Variants in ACAA2 observed in about 807,000 individuals in gnomAD.
ACAA2 encodes 3-ketoacyl-CoA thiolase, mitochondrial.
ACAA2 carries 35 observed loss-of-function variants against 44.8 expected under a neutral mutation model. The observed-to-expected ratio is 0.78, with a 90% CI of 0.60 to 1.04. The LOEUF is 1.04. Ranked by LOEUF, ACAA2 falls within the 50% of genes least tolerant of loss-of-function variation. The probability of loss-of-function intolerance (pLI) is 0.00; values close to 1 mark genes in which losing one functional copy is unlikely to be tolerated. For synonymous variants in ACAA2, 142 were observed against 166.5 expected (o/e 0.85, Z 1.13); for missense variants, 468 against 482.6 (o/e 0.97, Z 0.28).
intron 1 of ACAA2, among the ~76,000 whole-genome samples, chr18:49,805,991 G>C (rs978591346): frequency 1.3e-5 from 2 of 151,878 alleles, no homozygotes; most frequent in Non-Finnish European, 2.9e-5. Flanking sequence ...GCTCCTATCT[G>C]ACCAACCCTC....
intron 9 of ACAA2, among the ~76,000 whole-genome samples, chr18:49,784,386 T>C (rs922106804): frequency 1.3e-5 from 2 of 152,220 alleles, no homozygotes; most frequent in Non-Finnish European, 2.9e-5. Context: ...ATGTAATTAA[T>C]AAAGTTTGTC....
intron 4 of ACAA2, 113 bp downstream of exon 4, chr18:49,795,650 TCA>T (rs2023456439): frequency 1.0e-5 from 6 of 577,140 alleles, no homozygotes; most frequent in Non-Finnish European, 1.8e-5. Context: ...TTGCCAATCC[TCA>T]TCAACGAAAT....
intron 5 of ACAA2, among the ~76,000 whole-genome samples, 177 bp from the exon 6 acceptor site, chr18:49,792,504 G>A (rs534393529): frequency 6.9e-4 from 105 of 152,284 alleles, no homozygotes; most frequent in African/African-American, 2.4e-3. Flanking sequence ...GAGTGCAACG[G>A]CACAGTCTCG....
intron 7 of ACAA2, among the ~76,000 whole-genome samples, chr18:49,788,394 A>C (rs11082781): frequency 1.3e-5 from 2 of 152,300 alleles, no homozygotes; most frequent in South Asian, 4.1e-4. Flanking sequence ...AAACCTAAAT[A>C]TAATATTTAT....
Position 49,792,227 on chromosome 18 carries a change from T to C in ACAA2, c.678A>G (p.Gln226=). 1 of 1,614,116 alleles carries C rather than the reference T, an allele frequency of 6.2e-7. No homozygotes were observed. The highest frequency in any genetic ancestry group is 8.5e-7 in the Non-Finnish European group (1 of 1,180,002). Residue 226 remains glutamine, a synonymous_variant, in exon 6 of 10, where the codon CAA becomes CAG. Coordinates refer to ENST00000285093, the MANE Select transcript of ACAA2 (RefSeq NM_006111.3). ...GTTTCTGTAACTGTTCCAGGGTGGT[T>C]TGGGGCCGAGCATGCTCGTCTACCT... ...TMQVDEHARP[Q]TTLEQLQKLP...
In ACAA2 at chr18:49,795,850, A is replaced by C; in HGVS notation, c.344T>G (p.Leu115Ter). Residue 115 changes from leucine (L) to a stop codon, truncating the protein, a stop_gained, in exon 4 of 10, where the codon TTA (leucine) becomes TGA (stop). Coordinates refer to ENST00000285093, the MANE Select transcript of ACAA2 (RefSeq NM_006111.3). LOFTEE classifies it high-confidence loss of function. Reference protein sequence around the residue: ...EICVKEAEVVLCGGTESMSQA... With the variant: ...EICVKEAEVV Reference sequence around the variant, plus strand: ...GCTCATGCTTTCGGTTCCTCCACATAAAACAACTTCAGCTTCTTTAACACA... The same window carrying C: ...GCTCATGCTTTCGGTTCCTCCACATCAAACAACTTCAGCTTCTTTAACACA... 3.7e-6 allele frequency: 6 copies of C among 1,612,304 alleles called. No individual in the cohort carries two copies. Among genetic ancestry groups the C allele is most frequent in the Non-Finnish European group, 4.2e-6 (5 of 1,179,078 alleles).
At chr18:49,791,713 C>A in intron 6 of ACAA2, 114 bp from the exon 7 acceptor site, 1 of 1,039,828 alleles carries the variant, frequency 9.6e-7, no homozygotes, top group Non-Finnish European at 1.4e-6. Context: ...AGCCAGTGCA[C>A]AGTGTGAGAT....
intron 2 of ACAA2, among the ~76,000 whole-genome samples, chr18:49,798,019 G>A (rs1383678099): frequency 6.6e-6 from 1 of 152,136 alleles, no homozygotes; most frequent in African/African-American, 2.4e-5. Flanking sequence ...TTTAAAAATG[G>A]AATACGCTAT....
intron 5 of ACAA2, among the ~76,000 whole-genome samples, chr18:49,793,505 T>C (rs1568586706): frequency 6.6e-6 from 1 of 152,224 alleles, no homozygotes; most frequent in Non-Finnish European, 1.5e-5. Context: ...AGACCAATCC[T>C]CTTCCACTAT....
chr18:49,792,016 T>C, intron 6 of ACAA2, 136 bp downstream of exon 6: 2 of 564,448 alleles, frequency 3.5e-6, no homozygotes, highest in Non-Finnish European at 5.8e-6. Flanking sequence ...AAAACCTAAA[T>C]TAATTGAATA....
At chr18:49,811,392 T>C (rs2023668314) in intron 1 of ACAA2, 1 of 152,124 alleles carries the variant, frequency 6.6e-6, no homozygotes, top group Admixed American at 6.5e-5. Context: ...CCCTGTCTAC[T>C]TGCCTTGAAA....
intron 7 of ACAA2, among the ~76,000 whole-genome samples, chr18:49,787,941 AAT>A (rs1200695222): frequency 6.6e-6 from 1 of 152,216 alleles, no homozygotes; most frequent in African/African-American, 2.4e-5. Flanking sequence ...AAAGACAAGA[AAT>A]AGCAGTATCT....
rs1568583346 is a variant in ACAA2, at chr18:49,783,782, C to T, written c.*65G>A. 2 of 1,378,788 alleles carry T rather than the reference C, an allele frequency of 1.5e-6. No homozygotes were observed. The highest frequency in any genetic ancestry group is 2.1e-6 in the Non-Finnish European group (2 of 974,318). The allele number at this position is 1,378,788 out of a possible 1,614,324, so 85.4% of individuals were successfully genotyped here. A position where few individuals can be genotyped will look rare whatever the true frequency, so the allele number is the denominator to read the frequency against. On this transcript the variant is annotated 3_prime_UTR_variant, in exon 10 of 10. Coordinates refer to ENST00000285093, the MANE Select transcript of ACAA2 (RefSeq NM_006111.3). ...CAGTTGTGGCAGCTGCTCTGAAGGT[C>T]ACTTGTTTTACTGTGGCCTGGCCAA...
At chr18:49,807,501 T>C (rs1251904351) in intron 1 of ACAA2, among the ~76,000 whole-genome samples, 2 of 152,172 alleles carry the variant, frequency 1.3e-5, no homozygotes, top group East Asian at 3.8e-4. Context: ...AAAAGCAGGA[T>C]CCATGAAGGG....
chr18:49,792,263 T>C lies in ACAA2; in HGVS notation c.642A>G (p.Lys214=), dbSNP rs146126484. The C allele has an allele frequency of 2.5e-6, 4 of 1,613,848 alleles. No individual in the cohort carries two copies. In the African/African-American group the frequency reaches 5.3e-5, roughly 22 times the overall value. The part of the protein sequence containing the change: ...APIEVKTKKG[K]QTMQVDEHAR... ...CATGCTCGTCTACCTGCATTGTCTG[T>C]TTTCCTTTCTTTGTCTTCACTTCAA... Residue 214 remains lysine (K), a synonymous_variant, in exon 6 of 10, where the codon AAA becomes AAG. Coordinates refer to ENST00000285093, the MANE Select transcript of ACAA2 (RefSeq NM_006111.3).
At chr18:49,790,319 A>C (rs1598792399) in intron 7 of ACAA2, among the ~76,000 whole-genome samples, 2 of 152,182 alleles carry the variant, frequency 1.3e-5, no homozygotes, top group African/African-American at 2.4e-5. Flanking sequence ...CTATACAGAG[A>C]TATGTCTTCT....
intron 8 of ACAA2, chr18:49,786,363 A>ATAGTTTAATAGTTT (rs377691878): frequency 1.5e-3 from 221 of 152,348 alleles, no homozygotes; most frequent in African/African-American, 5.2e-3. Flanking sequence ...CAAAGTTGAT[A>ATAGTTTAATAGTTT]TAGTTTAATA....
At chr18:49,811,679 G>C (rs934309262) in intron 1 of ACAA2, 4 of 152,082 alleles carry the variant, frequency 2.6e-5, no homozygotes, top group African/African-American at 9.7e-5. Context: ...AATGATTCTA[G>C]CTGGCCTGTA....
chr18:49,811,143 A>C (rs2143985732), intron 1 of ACAA2, among the ~76,000 whole-genome samples: 1 of 152,076 alleles, frequency 6.6e-6, no homozygotes, highest in Middle Eastern at 3.4e-3. Flanking sequence ...ACTGAAAGAC[A>C]GTGAAGAGAC....
Sources: allele counts gnomAD v4.1 joint callset (sites outside exome capture counted in the v4.1 genomes callset), GRCh38; gene constraint gnomAD v4.1.1; transcripts MANE v1.5; gene names NCBI Gene and HGNC (gene_info 2026-07-23, HGNC 2026-07-21).